The following MARCHF1 variants were observed in gnomAD, a reference collection of about 807,000 sequenced individuals.
MARCHF1 encodes E3 ubiquitin-protein ligase MARCHF1.
MARCHF1 carries 40 observed loss-of-function variants against 54.2 expected under a neutral mutation model. The ratio of observed to expected loss-of-function variants is 0.74; its 90% confidence interval spans 0.57 to 0.96. MARCHF1 has a LOEUF of 0.96. Ranked by LOEUF, MARCHF1 falls within the 40% of genes least tolerant of loss-of-function variation. MARCHF1 has a pLI of 0.00. For missense variants in MARCHF1, 586 were observed against 656.5 expected, an observed-to-expected ratio of 0.89 and a Z score of 1.17; for synonymous variants, 236 against 236.3, an observed-to-expected ratio of 1.00 and a Z score of 0.01.
intron 3 of MARCHF1, among the ~76,000 whole-genome samples, chr4:163,891,217 C>T (rs1411056514): frequency 1.3e-5 from 2 of 152,022 alleles, no homozygotes; most frequent in South Asian, 2.1e-4. Context: ...ATTATATTTT[C>T]ACTCTGAGAA....
intron 8 of MARCHF1, among the ~76,000 whole-genome samples, chr4:163,551,954 A>AG (rs1315656269): frequency 2.0e-5 from 3 of 152,212 alleles, no homozygotes; most frequent in Non-Finnish European, 4.4e-5. Context: ...CAGTGCAAAA[A>AG]GGGACTAATA....
chr4:164,228,352 C>G (rs1732315782), intron 1 of MARCHF1, among the ~76,000 whole-genome samples: 1 of 152,170 alleles, frequency 6.6e-6, no homozygotes, highest in Non-Finnish European at 1.5e-5. Flanking sequence ...CTGAATTAAA[C>G]ACATGAGTTG....
intron 1 of MARCHF1, among the ~76,000 whole-genome samples, chr4:164,164,138 T>C (rs770647814): frequency 6.6e-6 from 1 of 151,738 alleles, no homozygotes; most frequent in African/African-American, 2.4e-5. Flanking sequence ...GGGGAAAAGA[T>C]CTCAAGTAAA....
In MARCHF1 at chr4:163,727,613, A is replaced by ATT. The variant is rs35502326; in HGVS notation, c.112-26752_112-26751dup. ...AGCCAACGCACCTGGCCCTAAATTA[A>ATT]TTTTTTTTTTTTGCCATGAAGATTT... On this transcript the variant is annotated intron_variant, in intron 4 of 9. Transcript: ENST00000514618. 6.1e-3 allele frequency among the ~76,000 whole-genome samples: 890 copies of ATT among 146,864 alleles called. 1 individual carries two copies. The highest frequency in any genetic ancestry group is 0.01 in the Admixed American group (151 of 14,816).
intron 1 of MARCHF1, among the ~76,000 whole-genome samples, chr4:164,249,285 G>A (rs1733053765): frequency 6.6e-6 from 1 of 152,056 alleles, no homozygotes; most frequent in African/African-American, 2.4e-5. Flanking sequence ...GTGACTTGAA[G>A]TCACTAGAAG....
intron 2 of MARCHF1, among the ~76,000 whole-genome samples, chr4:164,095,021 C>T (rs550314964): frequency 1.8e-4 from 27 of 152,194 alleles, no homozygotes; most frequent in Non-Finnish European, 3.7e-4. Context: ...TCTCAAGTTG[C>T]CCATTATCAT....
intron 7 of MARCHF1, among the ~76,000 whole-genome samples, chr4:163,601,738 T>C (rs1291910484): frequency 6.6e-6 from 1 of 152,108 alleles, no homozygotes; most frequent in Non-Finnish European, 1.5e-5. Context: ...CTGGTTGATA[T>C]TCAAATCTAC....
chr4:163,928,806 T>A (rs923393621), intron 3 of MARCHF1, among the ~76,000 whole-genome samples: 7 of 151,912 alleles, frequency 4.6e-5, no homozygotes, highest in Non-Finnish European at 7.4e-5. Flanking sequence ...TTAATTTCTT[T>A]TCACTGGGTT....
chr4:163,724,584 T>C (rs1224254848), intron 4 of MARCHF1, among the ~76,000 whole-genome samples: 1 of 152,188 alleles, frequency 6.6e-6, no homozygotes, highest in Non-Finnish European at 1.5e-5. Context: ...TGCCTTTTGT[T>C]TGGCTATGCC....
chr4:163,888,443 A>T (rs1390734029), intron 3 of MARCHF1, among the ~76,000 whole-genome samples: 1 of 152,216 alleles, frequency 6.6e-6, no homozygotes, highest in East Asian at 1.9e-4. Context: ...TATAATTTCA[A>T]CACATTTTAG....
intron 3 of MARCHF1, among the ~76,000 whole-genome samples, chr4:163,922,039 A>G (rs1751442400): frequency 6.6e-6 from 1 of 152,202 alleles, no homozygotes; most frequent in Non-Finnish European, 1.5e-5. Context: ...CTATGGAGCC[A>G]TAAAAAATGA....
intron 1 of MARCHF1, among the ~76,000 whole-genome samples, chr4:164,216,396 C>T (rs1300697853): frequency 1.3e-5 from 2 of 152,004 alleles, no homozygotes; most frequent in Non-Finnish European, 2.9e-5. Context: ...TTTAAATCTG[C>T]AAGTCTCATC....
At chr4:163,588,359 G>A (rs1740477886) in intron 7 of MARCHF1, among the ~76,000 whole-genome samples, 1 of 152,168 alleles carries the variant, frequency 6.6e-6, no homozygotes, top group Non-Finnish European at 1.5e-5. Context: ...TGTCATGCTT[G>A]TTGCCAGTTT....
intron 8 of MARCHF1, among the ~76,000 whole-genome samples, chr4:163,554,849 A>G (rs1217555936): frequency 6.6e-6 from 1 of 152,246 alleles, no homozygotes; most frequent in Admixed American, 6.5e-5. Context: ...GAATTTCTCT[A>G]CAAAATATAT....
intron 1 of MARCHF1, among the ~76,000 whole-genome samples, chr4:164,173,594 C>T (rs1730584533): frequency 6.6e-6 from 1 of 152,110 alleles, no homozygotes; most frequent in Non-Finnish European, 1.5e-5. Flanking sequence ...TCATAAATGG[C>T]TTGGCACCAT....
At chr4:164,296,914 C>T (rs1284860784) in intron 1 of MARCHF1, among the ~76,000 whole-genome samples, 1 of 152,170 alleles carries the variant, frequency 6.6e-6, no homozygotes, top group Non-Finnish European at 1.5e-5. Flanking sequence ...GGATATCTAT[C>T]AAGGAGGTGG....
intron 4 of MARCHF1, among the ~76,000 whole-genome samples, chr4:163,823,654 G>A (rs1748761811): frequency 6.6e-6 from 1 of 151,786 alleles, no homozygotes. Context: ...AGTTGATAAT[G>A]TTCTATCCTG....
chr4:164,364,520 T>C (rs1730824056), intron 1 of MARCHF1, among the ~76,000 whole-genome samples: 1 of 152,068 alleles, frequency 6.6e-6, no homozygotes, highest in African/African-American at 2.4e-5. Context: ...TGTGCTCATA[T>C]TTAACGTTGA....
intron 1 of MARCHF1, among the ~76,000 whole-genome samples, chr4:164,195,163 A>G (rs1201652541): frequency 6.6e-6 from 1 of 151,926 alleles, no homozygotes. Context: ...ATTAGCTCTA[A>G]GTTCTTTGAG....
Sources: allele counts gnomAD v4.1 joint callset (sites outside exome capture counted in the v4.1 genomes callset), GRCh38; gene constraint gnomAD v4.1.1; transcripts MANE v1.5; gene names NCBI Gene and HGNC (gene_info 2026-07-23, HGNC 2026-07-21).